The following MAST1 variants were observed in gnomAD, a reference collection of about 807,000 sequenced individuals.
MAST1 encodes microtubule associated serine/threonine kinase 1.
MAST1 carries 40 observed loss-of-function variants against 124.6 expected under a neutral mutation model. The observed-to-expected ratio is 0.32, with a 90% CI of 0.25 to 0.42. The LOEUF (loss-of-function observed/expected upper bound fraction) is 0.42. Among genes scored for constraint, MAST1 ranks in the 10% least tolerant of loss-of-function variants. The pLI is 1.00. For synonymous variants in MAST1, 938 were observed against 939.4 expected, an observed-to-expected ratio of 1.00 and a Z score of 0.03; for missense variants, 1,558 against 2,181.9, an observed-to-expected ratio of 0.71 and a Z score of 5.70.
In MAST1 at chr19:12,840,302, T is replaced by A; in HGVS notation, c.84-144T>A. The A allele has an allele frequency of 7.9e-6, 5 of 629,458 alleles. 1 individual carries two copies. The South Asian group carries it at 9.0e-5, about 11-fold the overall frequency. The allele number at this position is 629,458 out of a possible 1,614,324, so 39.0% of individuals were successfully genotyped here. On this transcript the variant is annotated intron_variant, in intron 1 of 25. Transcript: ENST00000251472. Reference sequence around the variant, plus strand: ...GTCCTGCCGAGGCCTGCACCACCTTTCTTCGAGAAACCCTCCCAGGGAGCC... The same window carrying A: ...GTCCTGCCGAGGCCTGCACCACCTTACTTCGAGAAACCCTCCCAGGGAGCC...
At chr19:12,859,497 C>T (rs1970054380) in intron 12 of MAST1, among the ~76,000 whole-genome samples, 1 of 152,058 alleles carries the variant, frequency 6.6e-6, no homozygotes. Context: ...ATCAATTCTC[C>T]CACCTCAGCC....
In MAST1 at chr19:12,874,352, G is replaced by A. The variant is rs1376782335; in HGVS notation, c.4195G>A (p.Gly1399Ser). The A allele has an allele frequency of 2.5e-6, 4 of 1,597,614 alleles. No individual in the cohort carries two copies. Among genetic ancestry groups the A allele is most frequent in the Non-Finnish European group, 3.4e-6 (4 of 1,178,706 alleles). Residue 1399 changes from glycine (G) to serine (S), a missense_variant, in exon 26 of 26, where the codon GGC becomes AGC. Gly to Ser is a moderately conservative substitution (Grantham distance 56, BLOSUM62 0). This residue lies in a region of MAST1 where 263 missense variants were observed against 310.9 expected (regional missense o/e 0.85). Transcript: ENST00000251472. This position sits in a 1 kb window ranked among gnomAD's most constrained non-coding sequence, Gnocchi z 6.6. ...GCATCAGAGCGTGCAGACGGAGGAT[G>A]GCACTGGCGGGATGGCCAGGGCTGT... is the stretch of plus-strand genomic sequence containing the variant. ...TRHQSVQTED[G>S]TGGMARAVAK...
At chr19:12,867,111 T>C (rs940614768) in intron 18 of MAST1, among the ~76,000 whole-genome samples, 2 of 152,118 alleles carry the variant, frequency 1.3e-5, no homozygotes, top group Non-Finnish European at 2.9e-5. Flanking sequence ...TTATTTTTAT[T>C]TTTTCTAATA....
rs1415640731 is a variant in MAST1, at chr19:12,843,072, G to A, written c.249-457G>A. Among the ~76,000 whole-genome samples, 1 of 152,152 alleles carries A rather than the reference G, an allele frequency of 6.6e-6. No homozygotes were observed. Among genetic ancestry groups the A allele is most frequent in the Non-Finnish European group, 1.5e-5 (1 of 68,040 alleles). On this transcript the variant is annotated intron_variant, in intron 3 of 25. Coordinates refer to ENST00000251472, the MANE Select transcript of MAST1 (RefSeq NM_014975.3). This position sits in a 1 kb window ranked among gnomAD's most constrained non-coding sequence, Gnocchi z 4.9. The stretch of plus-strand genomic sequence containing the variant: ...CACACCAACATTAATGGATTTGGCT[G>A]CAACAGTGACTGTGTCTGTGTGCAC...
At position 12,864,837 on chromosome 19, in the gene MAST1, T is replaced by C. The variant is rs1970130798; in HGVS notation, c.1395T>C (p.Asn465=). ...EGGDCATLLK[N]IGALPVEMAR... The stretch of plus-strand genomic sequence containing the variant: ...GCGACTGTGCCACCCTGCTGAAGAA[T>C]ATTGGAGCGCTGCCCGTAGAGATGG... The change falls in exon 13 of 26, where the codon AAT becomes AAC. Residue 465 remains asparagine (N), a synonymous_variant. Transcript: ENST00000251472. The C allele has an allele frequency of 1.2e-6, 2 of 1,613,856 alleles. No individual in the cohort carries two copies. Among genetic ancestry groups the C allele is most frequent in the Admixed American group, 1.7e-5 (1 of 59,986 alleles).
intron 1 of MAST1, among the ~76,000 whole-genome samples, chr19:12,839,154 A>C (rs1200291729): frequency 1.4e-5 from 2 of 142,844 alleles, no homozygotes; most frequent in African/African-American, 2.7e-5. Flanking sequence ...TCATAACACA[A>C]CCCCCCCCCC....
chr19:12,858,340 G>A, intron 10 of MAST1, 22 bp from the exon 11 acceptor site: 1 of 1,599,806 alleles, frequency 6.3e-7, no homozygotes, highest in Non-Finnish European at 8.6e-7. Context: ...ATGGTGGTGT[G>A]GTCTCCATCT....
chr19:12,860,557 G>T (rs1970068016), intron 12 of MAST1, among the ~76,000 whole-genome samples: 1 of 145,594 alleles, frequency 6.9e-6, no homozygotes, highest in Admixed American at 7.2e-5. Flanking sequence ...TGATTCTCCT[G>T]CCTGAGCCTC....
At chr19:12,846,297 C>T (rs2145888927) in intron 4 of MAST1, among the ~76,000 whole-genome samples, 1 of 152,110 alleles carries the variant, frequency 6.6e-6, no homozygotes, top group East Asian at 1.9e-4. Flanking sequence ...AAATGATCCT[C>T]CCGCCTTCGC....
rs534696174 is a variant in MAST1 at position 12,841,318 on chromosome 19, C to A, written c.248+252C>A. Among the ~76,000 whole-genome samples the A allele has an allele frequency of 6.6e-6, 1 of 152,380 alleles. No homozygotes were observed. Among genetic ancestry groups the A allele is most frequent in the African/African-American group, 2.4e-5 (1 of 41,600 alleles). On this transcript the variant is annotated intron_variant, in intron 3 of 25. Coordinates refer to ENST00000251472, the MANE Select transcript of MAST1 (RefSeq NM_014975.3). This position sits in a 1 kb window ranked among gnomAD's most constrained non-coding sequence, Gnocchi z 4.3. The stretch of plus-strand genomic sequence containing the variant: ...TGCGGCAGGTCGAAAGCGCGTGCGC[C>A]CTGGGCGCGGGGTCTTAGTCTCTCC...
chr19:12,858,814 G>T, intron 12 of MAST1, 75 bp downstream of exon 12: 2 of 1,430,532 alleles, frequency 1.4e-6, no homozygotes, highest in Admixed American at 1.8e-5. Flanking sequence ...GCCTGCCTGA[G>T]CCGCAGTCTC....
Position 12,847,876 on chromosome 19 carries a change from G to T in MAST1, c.593G>T (p.Arg198Leu). 1.2e-6 allele frequency: 2 copies of T among 1,612,454 alleles called. No individual in the cohort carries two copies. The highest frequency in any genetic ancestry group is 1.3e-5 in the African/African-American group (1 of 75,030). ...ACTGCGCAGATGGAGGAGAAGCTGC[G>T]CGACTTTACCCGCGCCTACGAACCC... ...KATAQMEEKLRDFTRAYEPDS... is the reference protein window; with the variant it reads ...KATAQMEEKLLDFTRAYEPDS... The change falls in exon 7 of 26, where the codon CGC (arginine) becomes CTC (leucine). Residue 198 changes from arginine (R) to leucine (L), a missense_variant. Transcript: ENST00000251472. This position sits in a 1 kb window ranked among gnomAD's most constrained non-coding sequence, Gnocchi z 5.5.
chr19:12,852,371 C>A lies in MAST1; in HGVS notation c.1053C>A (p.Thr351=), dbSNP rs1291544104. The change falls in exon 10 of 26, where the codon ACC becomes ACA. Residue 351 remains threonine, a synonymous_variant. Coordinates refer to ENST00000251472, the MANE Select transcript of MAST1 (RefSeq NM_014975.3). The stretch of plus-strand genomic sequence containing the variant: ...AACAGGACAGTGGTGGTTCCAACAC[C>A]CCTGAGCAAGACGATCTCTCTGAGG... ...LEEQDSGGSN[T]PEQDDLSEGR... 1 of 1,613,964 alleles carries A rather than the reference C, an allele frequency of 6.2e-7. No individual in the cohort carries two copies. Among genetic ancestry groups the A allele is most frequent in the Non-Finnish European group, 8.5e-7 (1 of 1,180,032 alleles).
chr19:12,850,319 A>C (rs780119321), intron 7 of MAST1, among the ~76,000 whole-genome samples: 2 of 152,156 alleles, frequency 1.3e-5, no homozygotes, highest in Admixed American at 6.6e-5. Context: ...GGAGTTGCAG[A>C]CCAGCCTGGG....
chr19:12,841,043 C>A lies in MAST1; in HGVS notation c.225C>A (p.His75Gln). ...PRNFSPNTPA[H>Q]FSFASSRRAD... The stretch of plus-strand genomic sequence containing the variant: ...ACTTCTCCCCCAACACCCCCGCCCA[C>A]TTCTCGTTTGCCTCCTCCCGAAGGT... Residue 75 changes from histidine to glutamine, a missense_variant, in exon 3 of 26, where the codon CAC becomes CAA. Coordinates refer to ENST00000251472, the MANE Select transcript of MAST1 (RefSeq NM_014975.3). The surrounding 1 kb of genome is among the most constrained non-coding windows in gnomAD (Gnocchi z 4.3). 6.5e-7 allele frequency: 1 copy of A among 1,540,804 alleles called. No homozygotes were observed. The highest frequency in any genetic ancestry group is 9.0e-7 in the Non-Finnish European group (1 of 1,112,754).
In MAST1 at chr19:12,874,640, C is replaced by T. The variant is rs868483913; in HGVS notation, c.4483C>T (p.Arg1495Cys). The change falls in exon 26 of 26, where the codon CGC becomes TGC. Residue 1495 changes from arginine (R) to cysteine (C), a missense_variant. Arg to Cys is a radical substitution (Grantham distance 180). Coordinates refer to ENST00000251472, the MANE Select transcript of MAST1 (RefSeq NM_014975.3). This position sits in a 1 kb window ranked among gnomAD's most constrained non-coding sequence, Gnocchi z 6.6. ...GGAGCGCACCACGCTGAGCGGTCCT[C>T]GCTCCAAGCCCGCCTCCCCAAAGCT... ...VEERTTLSGP[R>C]SKPASPKLSP... 2.6e-5 allele frequency: 39 copies of T among 1,522,982 alleles called. No homozygotes were observed. In the Middle Eastern group the frequency reaches 5.5e-3, roughly 214 times the overall value. The allele number at this position is 1,522,982 out of a possible 1,614,324, so 94.3% of individuals were successfully genotyped here.
intron 18 of MAST1, 61 bp from the exon 19 acceptor site, chr19:12,867,413 T>C: frequency 6.3e-7 from 1 of 1,592,070 alleles, no homozygotes. Flanking sequence ...GCCAGGAAGC[T>C]GATTAGCTCC....
intron 1 of MAST1, 90 bp from the exon 2 acceptor site, chr19:12,840,356 G>C (rs1969810545): frequency 2.5e-6 from 2 of 800,590 alleles, no homozygotes; most frequent in South Asian, 3.0e-5. Flanking sequence ...GGAGATAGGC[G>C]GGGATCTGAG....
chr19:12,842,730 A>G (rs1969847233), intron 3 of MAST1, among the ~76,000 whole-genome samples: 1 of 152,080 alleles, frequency 6.6e-6, no homozygotes, highest in South Asian at 2.1e-4. Context: ...GCTGTGTGCA[A>G]GTTTCAATGT....
Sources: allele counts gnomAD v4.1 joint callset (sites outside exome capture counted in the v4.1 genomes callset), GRCh38; gene constraint gnomAD v4.1.1; regional missense constraint gnomAD v4.1.1; non-coding constraint Gnocchi (gnomAD v3.1); transcripts MANE v1.5; gene names NCBI Gene and HGNC (gene_info 2026-07-23, HGNC 2026-07-21).